NRF1: variants seen among roughly 807,000 people sequenced by gnomAD.
The protein encoded by NRF1 is nuclear respiratory factor 1.
A neutral mutation model predicts 58.5 loss-of-function variants in NRF1; 5 were observed. That is an observed-to-expected ratio of 0.09 (90% CI 0.04 to 0.18). The LOEUF (loss-of-function observed/expected upper bound fraction) is 0.18. Among genes scored for constraint, NRF1 ranks in the 10% least tolerant of loss-of-function variants. The pLI, the probability that NRF1 is intolerant of heterozygous loss-of-function variation, is 1.00. For missense variants in NRF1, 288 were observed against 657.7 expected (o/e 0.44, Z 6.15); for synonymous variants, 224 against 246.7 (o/e 0.91, Z 0.86).
chr7:129,733,850 C>A (rs1170808276), intron 10 of NRF1, among the ~76,000 whole-genome samples: 1 of 151,944 alleles, frequency 6.6e-6, no homozygotes, highest in Non-Finnish European at 1.5e-5. Flanking sequence ...ATGGTGAAAC[C>A]CTGTTTCTAC....
At chr7:129,650,054 A>C (rs1408527319) in intron 1 of NRF1, among the ~76,000 whole-genome samples, 1 of 152,168 alleles carries the variant, frequency 6.6e-6, no homozygotes, top group Non-Finnish European at 1.5e-5. Flanking sequence ...TGTCCGGCCA[A>C]GAAGGACCTT....
intron 1 of NRF1, among the ~76,000 whole-genome samples, chr7:129,615,769 G>T (rs1219754639): frequency 6.6e-6 from 1 of 152,122 alleles, no homozygotes; most frequent in African/African-American, 2.4e-5. Context: ...CTAGAGGGTG[G>T]ATTACCCACT....
chr7:129,711,055 T>C (rs1465655650), intron 7 of NRF1, among the ~76,000 whole-genome samples: 2 of 152,086 alleles, frequency 1.3e-5, no homozygotes, highest in African/African-American at 2.4e-5. Context: ...AATGCTGGGA[T>C]TACAGATGTG....
At chr7:129,666,706 A>G (rs559549659) in intron 2 of NRF1, among the ~76,000 whole-genome samples, 4 of 152,134 alleles carry the variant, frequency 2.6e-5, no homozygotes, top group African/African-American at 4.8e-5. Flanking sequence ...TAATTTTTGT[A>G]TTTTTAGTAG....
At chr7:129,719,545 A>AC (rs1803272107) in intron 9 of NRF1, among the ~76,000 whole-genome samples, 1 of 93,094 alleles carries the variant, frequency 1.1e-5, no homozygotes, top group Admixed American at 9.3e-5. Context: ...CACACACACA[A>AC]CACATCTTCT....
intron 5 of NRF1, among the ~76,000 whole-genome samples, chr7:129,708,781 C>T (rs1033137129): frequency 1.3e-5 from 2 of 152,074 alleles, no homozygotes; most frequent in Admixed American, 6.6e-5. Flanking sequence ...AGCTATAGTA[C>T]CAGTAATATC....
At chr7:129,754,996 G>A (rs375065683) in intron 10 of NRF1, 22 bp from the exon 11 acceptor site, 27 of 1,561,712 alleles carry the variant, frequency 1.7e-5, no homozygotes, top group Non-Finnish European at 2.1e-5. Flanking sequence ...CCCCACCAAC[G>A]GTCTTCTCTT....
intron 8 of NRF1, among the ~76,000 whole-genome samples, chr7:129,713,661 A>C (rs1481687417): frequency 6.6e-6 from 1 of 152,240 alleles, no homozygotes; most frequent in Non-Finnish European, 1.5e-5. Context: ...TAAGGAGCAC[A>C]TAGGTAGGCG....
chr7:129,675,666 A>AT (rs536121095), intron 3 of NRF1, among the ~76,000 whole-genome samples: 17 of 151,716 alleles, frequency 1.1e-4, no homozygotes, highest in African/African-American at 2.2e-4. Context: ...TTTGAAAGGA[A>AT]TTTTTTTTTC....
At chr7:129,648,720 A>G (rs1562959261) in intron 1 of NRF1, among the ~76,000 whole-genome samples, 1 of 152,086 alleles carries the variant, frequency 6.6e-6, no homozygotes, top group Non-Finnish European at 1.5e-5. Flanking sequence ...AGGATAGGAT[A>G]TTAATACTCT....
intron 1 of NRF1, among the ~76,000 whole-genome samples, chr7:129,652,838 T>C (rs1282254495): frequency 6.6e-6 from 1 of 152,152 alleles, no homozygotes; most frequent in Non-Finnish European, 1.5e-5. Context: ...GTGATCTGCC[T>C]GCCTTGGCCT....
At chr7:129,671,081 A>G (rs946455908) in intron 2 of NRF1, among the ~76,000 whole-genome samples, 1 of 152,194 alleles carries the variant, frequency 6.6e-6, no homozygotes, top group Non-Finnish European at 1.5e-5. Flanking sequence ...TTCTCCTCTC[A>G]GTGCTACAAT....
chr7:129,729,574 C>G (rs1803531376), intron 10 of NRF1, among the ~76,000 whole-genome samples: 2 of 152,206 alleles, frequency 1.3e-5, no homozygotes, highest in South Asian at 4.1e-4. Flanking sequence ...CGTATCCCAG[C>G]AGTTTTAGGC....
chr7:129,636,943 T>C (rs1282378235), intron 1 of NRF1, among the ~76,000 whole-genome samples: 2 of 152,154 alleles, frequency 1.3e-5, no homozygotes, highest in African/African-American at 4.8e-5. Flanking sequence ...AAACTTTCAG[T>C]ATGTATTTGA....
At chr7:129,692,785 C>G (rs947745116) in intron 5 of NRF1, among the ~76,000 whole-genome samples, 4 of 152,126 alleles carry the variant, frequency 2.6e-5, no homozygotes, top group Non-Finnish European at 5.9e-5. Flanking sequence ...CTCAAACACC[C>G]TGCATCCGTT....
chr7:129,636,579 AATG>A (rs1402825864), intron 1 of NRF1, among the ~76,000 whole-genome samples: 2 of 152,092 alleles, frequency 1.3e-5, no homozygotes, highest in Non-Finnish European at 2.9e-5. Context: ...CAAAGTTTAG[AATG>A]ATATGTTTAT....
intron 3 of NRF1, among the ~76,000 whole-genome samples, chr7:129,672,807 A>C (rs1802081652): frequency 6.6e-6 from 1 of 152,178 alleles, no homozygotes; most frequent in Non-Finnish European, 1.5e-5. Context: ...CTAACCATTA[A>C]GTGGAGATAC....
intron 9 of NRF1, among the ~76,000 whole-genome samples, chr7:129,718,288 G>T (rs1420970757): frequency 6.6e-6 from 1 of 152,176 alleles, no homozygotes. Context: ...GCCCAGCTCT[G>T]TCACTTACAA....
At chr7:129,652,467 T>C (rs1203925019) in intron 1 of NRF1, among the ~76,000 whole-genome samples, 1 of 152,234 alleles carries the variant, frequency 6.6e-6, no homozygotes, top group Admixed American at 6.5e-5. Context: ...TTCAAGAGTT[T>C]GTTATTCTTA....
Sources: allele counts gnomAD v4.1 joint callset (sites outside exome capture counted in the v4.1 genomes callset), GRCh38; gene constraint gnomAD v4.1.1; transcripts MANE v1.5; gene names NCBI Gene and HGNC (gene_info 2026-07-23, HGNC 2026-07-21).